Variants in MYO1B observed in about 807,000 individuals in gnomAD.
MYO1B encodes the protein unconventional myosin-Ib.
A neutral mutation model predicts 159.7 loss-of-function variants in MYO1B; 72 were observed. That is an observed-to-expected ratio of 0.45 (90% CI 0.37 to 0.55). MYO1B has a LOEUF of 0.55. MYO1B is among the 20% of genes least tolerant of loss of function. The probability of loss-of-function intolerance (pLI) is 0.00; values close to 1 mark genes in which losing one functional copy is unlikely to be tolerated. For missense variants in MYO1B, 1,062 were observed against 1,364.8 expected, an observed-to-expected ratio of 0.78 and a Z score of 3.50; for synonymous variants, 468 against 473.8, an observed-to-expected ratio of 0.99 and a Z score of 0.16.
intron 3 of MYO1B, among the ~76,000 whole-genome samples, chr2:191,299,023 A>G (rs1266825668): frequency 3.3e-5 from 5 of 152,094 alleles, no homozygotes; most frequent in African/African-American, 9.7e-5. Context: ...ACCCCCAGCA[A>G]TTGTCCACAT....
At chr2:191,383,607 T>A (rs1184544193) in intron 15 of MYO1B, among the ~76,000 whole-genome samples, 1 of 148,450 alleles carries the variant, frequency 6.7e-6, no homozygotes, top group Admixed American at 6.7e-5. Context: ...CCCTAAGAGA[T>A]CATACACAGT....
At chr2:191,361,914 A>G (rs890006549) in intron 8 of MYO1B, among the ~76,000 whole-genome samples, 3 of 152,126 alleles carry the variant, frequency 2.0e-5, no homozygotes, top group South Asian at 2.1e-4. Context: ...CAAATATCCA[A>G]TGGTGAGGGA....
intron 30 of MYO1B, among the ~76,000 whole-genome samples, chr2:191,421,217 G>A (rs542336946): frequency 2.6e-5 from 4 of 151,992 alleles, no homozygotes; most frequent in African/African-American, 7.2e-5. Context: ...TTACAGGCAT[G>A]CACCACCACG....
chr2:191,250,715 TTAG>T (rs1686058489), intron 1 of MYO1B, among the ~76,000 whole-genome samples: 1 of 152,144 alleles, frequency 6.6e-6, no homozygotes, highest in African/African-American at 2.4e-5. Context: ...TCACTATCCC[TTAG>T]TAGGAGGTAT....
chr2:191,385,849 G>C, intron 15 of MYO1B, 35 bp from the exon 16 acceptor site: 1 of 1,602,252 alleles, frequency 6.2e-7, no homozygotes, highest in Non-Finnish European at 8.5e-7. Flanking sequence ...ATATAGTGAG[G>C]AAGGAAGGAA....
At chr2:191,272,319 A>G (rs950732496) in intron 1 of MYO1B, among the ~76,000 whole-genome samples, 5 of 152,222 alleles carry the variant, frequency 3.3e-5, no homozygotes, top group Admixed American at 2.0e-4. Context: ...CTGGACTAGT[A>G]GCCCAAACTG....
chr2:191,400,371 C>T lies in MYO1B; in HGVS notation c.2296-11C>T, dbSNP rs1377966487. Reference sequence around the variant, plus strand: ...TAAACATTCTCTCTTTTGGGTGATTCTGCCCTTTAGGCTCGAAAAATTCTG... The same window carrying T: ...TAAACATTCTCTCTTTTGGGTGATTTTGCCCTTTAGGCTCGAAAAATTCTG... On this transcript the variant is annotated splice_polypyrimidine_tract_variant and intron_variant, in intron 21 of 30. Coordinates refer to ENST00000392318, the MANE Select transcript of MYO1B (RefSeq NM_001130158.3). 6.2e-7 allele frequency: 1 copy of T among 1,613,768 alleles called. No homozygotes were observed. Among genetic ancestry groups the T allele is most frequent in the Non-Finnish European group, 8.5e-7 (1 of 1,179,836 alleles).
At chr2:191,258,503 A>G (rs1336096989) in intron 1 of MYO1B, among the ~76,000 whole-genome samples, 1 of 152,180 alleles carries the variant, frequency 6.6e-6, no homozygotes, top group African/African-American at 2.4e-5. Flanking sequence ...TAAAAACACA[A>G]AGTAATTGCA....
At chr2:191,315,994 T>C (rs1156974748) in intron 3 of MYO1B, among the ~76,000 whole-genome samples, 1 of 152,196 alleles carries the variant, frequency 6.6e-6, no homozygotes, top group Non-Finnish European at 1.5e-5. Context: ...TAGGTACAAG[T>C]GCTGAGCTTA....
At chr2:191,375,470 A>AGATAGAT (rs1694637553) in intron 13 of MYO1B, among the ~76,000 whole-genome samples, 1 of 146,256 alleles carries the variant, frequency 6.8e-6, no homozygotes, top group African/African-American at 2.5e-5. Context: ...TGATTTGTAA[A>AGATAGAT]AGATAGATAG....
intron 3 of MYO1B, among the ~76,000 whole-genome samples, chr2:191,297,395 G>T (rs1689047681): frequency 6.6e-6 from 1 of 152,214 alleles, no homozygotes; most frequent in Non-Finnish European, 1.5e-5. Flanking sequence ...TGCAGATTTA[G>T]AATATTTGTG....
At chr2:191,294,941 G>A (rs560301069) in intron 2 of MYO1B, among the ~76,000 whole-genome samples, 1 of 151,914 alleles carries the variant, frequency 6.6e-6, no homozygotes, top group African/African-American at 2.4e-5. Context: ...TAATTTTCTA[G>A]AAATATCTGA....
intron 3 of MYO1B, among the ~76,000 whole-genome samples, chr2:191,326,806 G>A (rs1478496426): frequency 6.8e-6 from 1 of 148,122 alleles, no homozygotes; most frequent in Non-Finnish European, 1.5e-5. Context: ...GTGTGTGTGT[G>A]TGTGTGTGTG....
chr2:191,293,010 G>C (rs1214457688), intron 2 of MYO1B, among the ~76,000 whole-genome samples: 3 of 152,214 alleles, frequency 2.0e-5, no homozygotes, highest in African/African-American at 7.2e-5. Context: ...AGTTAGTGTA[G>C]CAGGCTGTAG....
Position 191,408,063 on chromosome 2 carries a change from G to A in MYO1B, c.2557-52G>A, listed in dbSNP as rs1697035577. ...TTTTTAATAGAGGTGTATCATTATG[G>A]ACCTGTACCAGCCACACATTAACCA... On this transcript the variant is annotated intron_variant, in intron 24 of 30. Coordinates refer to ENST00000392318, the MANE Select transcript of MYO1B (RefSeq NM_001130158.3). 4.1e-6 allele frequency: 5 copies of A among 1,233,310 alleles called. No homozygotes were observed. In the East Asian group the frequency reaches 1.2e-4, roughly 29 times the overall value. 76.4% of individuals were successfully genotyped at this position (1,233,310 alleles called of 1,614,324 possible).
At chr2:191,303,857 A>C (rs1225036952) in intron 3 of MYO1B, among the ~76,000 whole-genome samples, 2 of 152,172 alleles carry the variant, frequency 1.3e-5, no homozygotes, top group East Asian at 1.9e-4. Flanking sequence ...ACAGAAGGGG[A>C]TTAGAGCTTT....
rs762103792 is a variant in MYO1B, at chr2:191,364,224, G to A, written c.980G>A (p.Arg327Gln). The A allele has an allele frequency of 3.7e-6, 6 of 1,613,896 alleles. No homozygotes were observed. Among genetic ancestry groups the A allele is most frequent in the Middle Eastern group, 1.7e-4 (1 of 6,060 alleles). The change falls in exon 11 of 31, where the codon CGA (arginine) becomes CAA (glutamine). Residue 327 changes from arginine (R) to glutamine (Q), a missense_variant. Physicochemically the swap from Arg to Gln is conservative, Grantham distance 43 (BLOSUM62 1). Transcript: ENST00000392318. ...GTTCTAGAACGAGCATTCAGTTTCC[G>A]AACAGTTGAGGCCAAACAGGAGAAA... is the stretch of plus-strand genomic sequence containing the variant. ...QSVLERAFSFRTVEAKQEKVS... is the reference protein window; with the variant it reads ...QSVLERAFSFQTVEAKQEKVS...
In MYO1B at chr2:191,386,041, C is replaced by T; in HGVS notation, c.1511C>T (p.Ser504Phe). 1 of 1,614,104 alleles carries T rather than the reference C, an allele frequency of 6.2e-7. No homozygotes were observed. The highest frequency in any genetic ancestry group is 8.5e-7 in the Non-Finnish European group (1 of 1,180,002). The part of the protein sequence containing the change: ...SKCSRFLNDT[S>F]LPHSCFRIQH... ...TGCTCTCGGTTCCTCAATGACACGT[C>T]TCTGCCTCACAGCTGCTTCAGGATC... Residue 504 changes from serine to phenylalanine, a missense_variant, in exon 16 of 31, where the codon TCT becomes TTT. Transcript: ENST00000392318.
chr2:191,399,739 G>A (rs139830698), intron 21 of MYO1B, among the ~76,000 whole-genome samples: 333 of 137,592 alleles, frequency 2.4e-3, no homozygotes, highest in Non-Finnish European at 4.1e-3. Context: ...ACAGCAAATG[G>A]CAAAACACAA....
Sources: allele counts gnomAD v4.1 joint callset (sites outside exome capture counted in the v4.1 genomes callset), GRCh38; gene constraint gnomAD v4.1.1; transcripts MANE v1.5; gene names NCBI Gene and HGNC (gene_info 2026-07-23, HGNC 2026-07-21).